ODAD1: variants seen among roughly 807,000 people sequenced by gnomAD.
ODAD1 encodes the protein outer dynein arm-docking complex subunit 1.
ODAD1 carries 49 observed loss-of-function variants against 67.2 expected under a neutral mutation model. That is an observed-to-expected ratio of 0.73 (90% confidence interval 0.58 to 0.92). The LOEUF (loss-of-function observed/expected upper bound fraction) is 0.92, where lower values mean the gene tolerates loss of function less well. Ranked by LOEUF, ODAD1 falls within the 40% of genes least tolerant of loss-of-function variation. The pLI is 0.00. For synonymous variants in ODAD1, 345 were observed against 393.7 expected (o/e 0.88, Z 1.46); for missense variants, 897 against 953.7 (o/e 0.94, Z 0.78).
intron 7 of ODAD1, among the ~76,000 whole-genome samples, chr19:48,310,829 C>T (rs1252207811): frequency 1.3e-5 from 2 of 152,054 alleles, no homozygotes; most frequent in African/African-American, 4.8e-5. Flanking sequence ...CTAATCCCAG[C>T]ACTTTGGGAG....
intron 7 of ODAD1, among the ~76,000 whole-genome samples, chr19:48,309,511 T>C (rs1968704636): frequency 6.6e-6 from 1 of 152,138 alleles, no homozygotes; most frequent in African/African-American, 2.4e-5. Context: ...GCAGAGGAGC[T>C]GCCCCCTGCA....
Position 48,303,764 on chromosome 19 carries a change from C to T in ODAD1, c.874G>A (p.Val292Ile), listed in dbSNP as rs571330368. The T allele has an allele frequency of 1.4e-4, 219 of 1,611,328 alleles. 2 individuals are homozygous for T. In the East Asian group the frequency reaches 2.4e-3, roughly 17 times the overall value. ...AGCCTCTCCTGGGAGGTCTTCCAGA[C>T]GCCCTCGGCCACCTCCCCGGCTAGG... Reference protein sequence around the residue: ...EKQAGEVAEGVWKTSQERLVL... With the variant: ...EKQAGEVAEGIWKTSQERLVL... The change falls in exon 10 of 16, where the codon GTC becomes ATC. Residue 292 changes from valine (V) to isoleucine (I), a missense_variant. Coordinates refer to ENST00000674294, the MANE Select transcript of ODAD1 (RefSeq NM_001364171.2).
chr19:48,300,404 C>A (rs1600858002), intron 12 of ODAD1, among the ~76,000 whole-genome samples: 2 of 152,286 alleles, frequency 1.3e-5, no homozygotes. Flanking sequence ...AAGTCACAGA[C>A]TTCAATGTGG....
Position 48,311,685 on chromosome 19 carries a change from A to C in ODAD1, c.484-19T>G. 1 of 1,436,114 alleles carries C rather than the reference A, an allele frequency of 7.0e-7. No homozygotes were observed. Among genetic ancestry groups the C allele is most frequent in the Non-Finnish European group, 9.6e-7 (1 of 1,041,500 alleles). The allele number at this position is 1,436,114 out of a possible 1,614,324, so 89.0% of individuals were successfully genotyped here. Reference sequence around the variant, plus strand: ...AGGTGACCTGGGAGTAGAAAGGTGGATGGAAGAGTGGGTCTGAAGCCAAGT... The same window carrying C: ...AGGTGACCTGGGAGTAGAAAGGTGGCTGGAAGAGTGGGTCTGAAGCCAAGT... On this transcript the variant is annotated intron_variant, in intron 6 of 15. Coordinates refer to ENST00000674294, the MANE Select transcript of ODAD1 (RefSeq NM_001364171.2).
At chr19:48,318,682 C>G (rs1260125218) in intron 4 of ODAD1, 31 bp downstream of exon 4, 5 of 1,536,502 alleles carry the variant, frequency 3.3e-6, no homozygotes, top group Non-Finnish European at 4.4e-6. Flanking sequence ...ACCCCCTCCT[C>G]CCCAGCTCAG....
intron 12 of ODAD1, 90 bp downstream of exon 12, chr19:48,302,604 G>T: frequency 1.9e-6 from 2 of 1,057,714 alleles, no homozygotes; most frequent in South Asian, 2.9e-5. Flanking sequence ...GAACCAGGTT[G>T]TCCATGCAAT....
chr19:48,302,574 G>T, intron 12 of ODAD1, 120 bp downstream of exon 12: 1 of 742,178 alleles, frequency 1.3e-6, no homozygotes, highest in Non-Finnish European at 2.2e-6. Flanking sequence ...GGACAGATAT[G>T]GGGCAACTGA....
At chr19:48,307,924 G>C (rs1332682119) in intron 7 of ODAD1, among the ~76,000 whole-genome samples, 1 of 152,022 alleles carries the variant, frequency 6.6e-6, no homozygotes, top group Non-Finnish European at 1.5e-5. Context: ...CCCAGGGATG[G>C]GGCAGAACAA....
At position 48,302,776 on chromosome 19, in the gene ODAD1, G is replaced by A. The variant is rs572952646; in HGVS notation, c.1158C>T (p.Arg386=). ...CAGCCTCCGAGTGCACCTTGTCCAT[G>A]CGCTGCTGCAACACCTTCTGCTGCT... ...QEQQQKVLQQ[R]MDKVHSEAER... is the part of the protein sequence containing the mutation. The change falls in exon 12 of 16, where the codon CGC becomes CGT. Residue 386 remains arginine, a synonymous_variant. Transcript: ENST00000674294. 8.1e-6 allele frequency: 13 copies of A among 1,613,936 alleles called. No homozygotes were observed. The South Asian group carries it at 1.4e-4, about 18-fold the overall frequency.
At chr19:48,319,092 T>C (rs1968976219) in intron 3 of ODAD1, among the ~76,000 whole-genome samples, 1 of 152,028 alleles carries the variant, frequency 6.6e-6, no homozygotes, top group Admixed American at 6.6e-5. Context: ...TTCTGGGACC[T>C]GGGCACACCA....
At chr19:48,321,234 T>C (rs1280356278) in intron 1 of ODAD1, among the ~76,000 whole-genome samples, 1 of 152,068 alleles carries the variant, frequency 6.6e-6, no homozygotes, top group Non-Finnish European at 1.5e-5. Flanking sequence ...CGAGACTCCG[T>C]CTCAAAAAAC....
intron 5 of ODAD1, among the ~76,000 whole-genome samples, chr19:48,313,685 C>T (rs1419009727): frequency 6.6e-6 from 1 of 151,786 alleles, no homozygotes; most frequent in Non-Finnish European, 1.5e-5. Context: ...GAGTTCAAGA[C>T]CAGCCTGGGC....
chr19:48,312,062 C>T lies in ODAD1; in HGVS notation c.415G>A (p.Gly139Arg). Residue 139 changes from glycine (G) to arginine (R), a missense_variant, in exon 6 of 16, where the codon GGA becomes AGA. Transcript: ENST00000674294. ...FTHSKNVRSPGFILDQKVKIR... is the reference protein window; with the variant it reads ...FTHSKNVRSPRFILDQKVKIR... ...TTGACCTTCTGATCCAGGATGAATCCCGGGGACCTGACATTCTTACTGTGG... is the reference window on the plus strand; with the variant it reads ...TTGACCTTCTGATCCAGGATGAATCTCGGGGACCTGACATTCTTACTGTGG... The T allele has an allele frequency of 6.5e-7, 1 of 1,550,366 alleles. No individual in the cohort carries two copies. Among genetic ancestry groups the T allele is most frequent in the Non-Finnish European group, 8.7e-7 (1 of 1,145,476 alleles).
At chr19:48,301,269 T>C (rs1438526374) in intron 12 of ODAD1, among the ~76,000 whole-genome samples, 1 of 152,134 alleles carries the variant, frequency 6.6e-6, no homozygotes, top group Non-Finnish European at 1.5e-5. Context: ...CTAATAAATA[T>C]CAACATATAC....
In ODAD1 at chr19:48,321,947, A is replaced by G. The variant is rs1375419836; in HGVS notation, c.-333T>C. 6 of 394,124 alleles carry G rather than the reference A, an allele frequency of 1.5e-5. No individual in the cohort carries two copies. Among genetic ancestry groups the G allele is most frequent in the Non-Finnish European group, 2.2e-5 (5 of 223,246 alleles). 24.4% of individuals were successfully genotyped at this position (394,124 alleles called of 1,614,324 possible). ...AGCAGCCAAAAACGCTTGGCCGCCT[A>G]CCACGTCCGCGCGCTGGAGGGCGGA... On this transcript the variant is annotated 5_prime_UTR_variant, in exon 1 of 16. Transcript: ENST00000674294.
Position 48,318,764 on chromosome 19 carries a change from C to T in ODAD1, c.119G>A (p.Gly40Glu). 1 of 1,551,480 alleles carries T rather than the reference C, an allele frequency of 6.4e-7. No homozygotes were observed. The highest frequency in any genetic ancestry group is 8.7e-7 in the Non-Finnish European group (1 of 1,146,882). ...TTCCTTGCTGTAGGCCCGCCTCTCC[C>T]CTTCCATCACTTTGCATTGTCGCTG... ...RLQRQCKVME[G>E]ERRAYSKEVH... Residue 40 changes from glycine (G) to glutamate (E), a missense_variant, in exon 4 of 16, where the codon GGG becomes GAG. By Grantham distance (98) the Gly-to-Glu change is moderately conservative. Coordinates refer to ENST00000674294, the MANE Select transcript of ODAD1 (RefSeq NM_001364171.2).
intron 10 of ODAD1, 193 bp downstream of exon 10, chr19:48,303,457 G>C (rs1214922970): frequency 1.6e-6 from 1 of 634,598 alleles, no homozygotes; most frequent in African/African-American, 1.8e-5. Flanking sequence ...GGAGTTAGGA[G>C]GGGGTGGGGA....
intron 5 of ODAD1, among the ~76,000 whole-genome samples, chr19:48,316,388 AAAC>A (rs1968899955): frequency 6.7e-6 from 1 of 150,246 alleles, no homozygotes; most frequent in Non-Finnish European, 1.5e-5. Context: ...AAAAAAAAAA[AAAC>A]AAACCTGCCT....
chr19:48,296,750 T>G lies in ODAD1; in HGVS notation c.*226A>C. 2 of 1,374,974 alleles carry G rather than the reference T, an allele frequency of 1.5e-6. No individual in the cohort carries two copies. The highest frequency in any genetic ancestry group is 1.5e-5 in the African/African-American group (1 of 67,364). The allele number at this position is 1,374,974 out of a possible 1,614,324, so 85.2% of individuals were successfully genotyped here. On this transcript the variant is annotated 3_prime_UTR_variant, in exon 16 of 16. Coordinates refer to ENST00000674294, the MANE Select transcript of ODAD1 (RefSeq NM_001364171.2). Reference sequence around the variant, plus strand: ...ACCAGGAAGCCCAGAGAACAGGAGATCAGGAGTCAGAGGGAAAAGCAGTGT... The same window carrying G: ...ACCAGGAAGCCCAGAGAACAGGAGAGCAGGAGTCAGAGGGAAAAGCAGTGT...
Sources: gnomAD v4.1 joint callset for allele counts (sites outside exome capture counted in the v4.1 genomes callset) on GRCh38, gnomAD v4.1.1 for gene constraint, MANE v1.5 for transcripts, NCBI Gene and HGNC (gene_info 2026-07-23, HGNC 2026-07-21) for gene names.